PISD: variants seen among roughly 807,000 people sequenced by gnomAD.
The protein encoded by PISD is phosphatidylserine decarboxylase.
A neutral mutation model predicts 43.5 loss-of-function variants in PISD; 31 were observed. The observed-to-expected ratio is 0.71, with a 90% confidence interval of 0.54 to 0.96. PISD has a LOEUF of 0.96. Ranked by LOEUF, PISD falls within the 40% of genes least tolerant of loss-of-function variation. The probability of loss-of-function intolerance (pLI) is 0.00; values close to 1 mark genes in which losing one functional copy is unlikely to be tolerated. For missense variants in PISD, 523 were observed against 548.4 expected, an observed-to-expected ratio of 0.95 and a Z score of 0.46; for synonymous variants, 259 against 228.7, an observed-to-expected ratio of 1.13 and a Z score of -1.20.
chr22:31,638,943 G>GC (rs1197158983), intron 3 of PISD, among the ~76,000 whole-genome samples: 6 of 150,426 alleles, frequency 4.0e-5, no homozygotes, highest in African/African-American at 2.5e-5. Context: ...GGTGAGCCCT[G>GC]CTCACACCAC....
intron 5 of PISD, 53 bp downstream of exon 5, chr22:31,621,281 G>C: frequency 6.2e-7 from 1 of 1,611,538 alleles, no homozygotes; most frequent in Non-Finnish European, 8.5e-7. Flanking sequence ...CCTCCCTCCC[G>C]GTCCAGCCAC....
rs1256418781 is a variant in PISD at position 31,650,717 on chromosome 22, A to G, written c.127T>C (p.Phe43Leu). The change falls in exon 2 of 8, where the codon TTT becomes CTT. Residue 43 changes from phenylalanine to leucine, a missense_variant. Physicochemically the swap from Phe to Leu is conservative, Grantham distance 22. Coordinates refer to ENST00000439502, the MANE Select transcript of PISD (RefSeq NM_001326411.2). The stretch of plus-strand genomic sequence containing the variant: ...TCCTTACCTGTGCGAAAGGCTCTAA[A>G]AGGCAGCTTCCGTAAGGGCTGTAGG... ...QSLQPLRKLP[F>L]RAFRTDARKI... 2 of 1,553,514 alleles carry G rather than the reference A, an allele frequency of 1.3e-6. No homozygotes were observed. Among genetic ancestry groups the G allele is most frequent in the South Asian group, 2.4e-5 (2 of 84,262 alleles).
At chr22:31,623,582 CTCTGCT>C in intron 3 of PISD, 1 of 1,187,770 alleles carries the variant, frequency 8.4e-7, no homozygotes, top group Non-Finnish European at 1.2e-6. Context: ...TAGCGGTGAC[CTCTGCT>C]TCTGACAGCT....
Position 31,621,643 on chromosome 22 carries a change from C to T in PISD, c.558+6G>A. On this transcript the variant is annotated splice_donor_region_variant and intron_variant, in intron 4 of 7. Coordinates refer to ENST00000439502, the MANE Select transcript of PISD (RefSeq NM_001326411.2). ...TTTCCTGCAGGAGGAAAGGGTCAGG[C>T]CTCACCACGCTGTGCAGGCCACAGA... 6.2e-7 allele frequency: 1 copy of T among 1,612,090 alleles called. No homozygotes were observed. Among genetic ancestry groups the T allele is most frequent in the Non-Finnish European group, 8.5e-7 (1 of 1,178,826 alleles).
intron 1 of PISD, among the ~76,000 whole-genome samples, chr22:31,660,550 C>A (rs1352505023): frequency 6.6e-6 from 1 of 152,052 alleles, no homozygotes; most frequent in Non-Finnish European, 1.5e-5. Context: ...CCTAGCTACT[C>A]AGGAGGCTGA....
At chr22:31,628,818 C>G in intron 3 of PISD, 1 of 985,430 alleles carries the variant, frequency 1.0e-6, no homozygotes. Flanking sequence ...CCTAGGAGCG[C>G]GACGCAGCCT....
intron 3 of PISD, chr22:31,629,329 AGGATGTGTG>A: frequency 3.7e-6 from 2 of 535,160 alleles, no homozygotes; most frequent in Non-Finnish European, 4.8e-6. Context: ...TATAGGTGCG[AGGATGTGTG>A]GGGTGTGTAG....
chr22:31,626,153 G>GA, intron 3 of PISD: 2 of 770,102 alleles, frequency 2.6e-6, no homozygotes, highest in Non-Finnish European at 3.6e-6. Context: ...GCTACCCAGG[G>GA]CTGAGCCAGC....
Position 31,621,635 on chromosome 22 carries a change from G to C in PISD, c.558+14C>G. ...AAGTCCTGTTTCCTGCAGGAGGAAA[G>C]GGTCAGGCCTCACCACGCTGTGCAG... On this transcript the variant is annotated intron_variant, in intron 4 of 7. Transcript: ENST00000439502. 1 of 1,609,894 alleles carries C rather than the reference G, an allele frequency of 6.2e-7. No individual in the cohort carries two copies. The highest frequency in any genetic ancestry group is 8.5e-7 in the Non-Finnish European group (1 of 1,177,054).
intron 4 of PISD, 77 bp downstream of exon 4, chr22:31,621,572 G>A (rs780689748): frequency 6.3e-6 from 10 of 1,591,344 alleles, no homozygotes; most frequent in Admixed American, 3.4e-5. Context: ...TTCCAGATAC[G>A]CTGGAGACCA....
chr22:31,658,634 C>T (rs987761357), intron 1 of PISD, among the ~76,000 whole-genome samples: 10 of 151,974 alleles, frequency 6.6e-5, no homozygotes, highest in African/African-American at 1.5e-4. Flanking sequence ...ACTGCAGCCT[C>T]GACCTCCTGG....
intron 3 of PISD, among the ~76,000 whole-genome samples, chr22:31,646,299 A>T (rs1053937567): frequency 2.0e-5 from 3 of 152,164 alleles, no homozygotes; most frequent in African/African-American, 7.2e-5. Flanking sequence ...AAGAGTATCT[A>T]ACTTAAGCCC....
rs759159203 is a variant in PISD, at chr22:31,662,130, C to T, written c.65+14G>A. On this transcript the variant is annotated intron_variant, in intron 1 of 7. Coordinates refer to ENST00000439502, the MANE Select transcript of PISD (RefSeq NM_001326411.2). ...TGCCCCACGCCCCAAGGTAGTCTCT[C>T]CGCGCTGCTATACCTGCTCCGCCAC... is the stretch of plus-strand genomic sequence containing the variant. The T allele has an allele frequency of 1.2e-5, 19 of 1,606,938 alleles. No homozygotes were observed. The highest frequency in any genetic ancestry group is 1.5e-5 in the Non-Finnish European group (18 of 1,178,968).
intron 1 of PISD, among the ~76,000 whole-genome samples, chr22:31,653,843 T>C (rs2074098873): frequency 6.6e-6 from 1 of 152,110 alleles, no homozygotes; most frequent in South Asian, 2.1e-4. Flanking sequence ...ATTAGCCAGG[T>C]GTGGTGGCAC....
intron 3 of PISD, chr22:31,628,936 T>G: frequency 1.0e-6 from 1 of 985,322 alleles, no homozygotes; most frequent in Non-Finnish European, 1.2e-6. Context: ...GGGGCTTAGG[T>G]GGCAGTTCTA....
rs529945588 is a variant in PISD, at chr22:31,622,569, C to T, written c.322-684G>A. 4.8e-4 allele frequency among the ~76,000 whole-genome samples: 73 copies of T among 152,312 alleles called. 1 individual carries two copies. The South Asian group carries it at 0.013, about 28-fold the overall frequency. On this transcript the variant is annotated intron_variant, in intron 3 of 7. Coordinates refer to ENST00000439502, the MANE Select transcript of PISD (RefSeq NM_001326411.2). ...CCTGCTGAGCCCCACCTTGGCCCCA[C>T]GGCAGGACTTGTGTTCAACGTTCTA...
chr22:31,634,753 G>A (rs796289613), intron 3 of PISD, among the ~76,000 whole-genome samples: 33 of 142,022 alleles, frequency 2.3e-4, no homozygotes, highest in Middle Eastern at 4.5e-3. Context: ...TGGGAGAATC[G>A]CTTGAACCTA....
chr22:31,632,722 C>T (rs992773274), intron 3 of PISD, among the ~76,000 whole-genome samples: 1 of 152,172 alleles, frequency 6.6e-6, no homozygotes, highest in Non-Finnish European at 1.5e-5. Flanking sequence ...AGGGGACCAC[C>T]TGCAACCCTG....
intron 7 of PISD, among the ~76,000 whole-genome samples, chr22:31,620,282 T>A (rs1030930516): frequency 1.3e-5 from 2 of 152,154 alleles, no homozygotes; most frequent in Admixed American, 1.3e-4. Flanking sequence ...TTGACCATGG[T>A]TCCTAGCAGA....
Sources: gnomAD v4.1 joint callset for allele counts (sites outside exome capture counted in the v4.1 genomes callset) on GRCh38, gnomAD v4.1.1 for gene constraint, MANE v1.5 for transcripts, NCBI Gene and HGNC (gene_info 2026-07-23, HGNC 2026-07-21) for gene names.